Variants in LANCL3 observed in about 807,000 individuals in gnomAD.
LANCL3 encodes LanC like family member 3.
LANCL3 carries 19 observed loss-of-function variants against 26.5 expected under a neutral mutation model. That is an observed-to-expected ratio of 0.72 (90% CI 0.50 to 1.05). The LOEUF (loss-of-function observed/expected upper bound fraction) is 1.05, where lower values mean the gene tolerates loss of function less well. Among genes scored for constraint, LANCL3 ranks in the 50% least tolerant of loss-of-function variants. The pLI is 0.00. For synonymous variants in LANCL3, 160 were observed against 166.6 expected (o/e 0.96, Z 0.30); for missense variants, 318 against 362.7 (o/e 0.88, Z 1.00).
At chrX:37,601,002 A>G (rs1382573069) in intron 1 of LANCL3, among the ~76,000 whole-genome samples, 1 of 110,879 alleles carries the variant, frequency 9.0e-6, no homozygotes, top group East Asian at 2.8e-4. Context: ...GTTGGAAACC[A>G]CTCCTTTTAT....
intron 3 of LANCL3, among the ~76,000 whole-genome samples, chrX:37,660,584 G>A (rs1056693272): frequency 2.7e-5 from 3 of 111,435 alleles, no homozygotes; most frequent in Non-Finnish European, 5.6e-5. Flanking sequence ...GGCCAGGGGA[G>A]AGATTTAAAA....
In LANCL3 at chrX:37,572,233, G is replaced by C. The variant is rs782302861; in HGVS notation, c.363G>C (p.Leu121=). The C allele has an allele frequency of 8.7e-7, 1 of 1,147,505 alleles. No individual in the cohort carries two copies. The highest frequency in any genetic ancestry group is 1.8e-5 in the African/African-American group (1 of 55,722). 94.6% of individuals were successfully genotyped at this position (1,147,505 alleles called of 1,213,427 possible). The change falls in exon 1 of 5, where the codon CTG becomes CTC. Residue 121 remains leucine, a synonymous_variant. Transcript: ENST00000378619. ...EPDADTRAAF[L]LGGAGVYAVA... is the part of the protein sequence containing the mutation. ...ACGCCGACACCCGCGCCGCCTTCCT[G>C]CTCGGGGGCGCGGGCGTGTACGCCG...
intron 1 of LANCL3, among the ~76,000 whole-genome samples, chrX:37,593,470 G>C (rs1310921655): frequency 8.9e-6 from 1 of 112,006 alleles, no homozygotes; most frequent in Non-Finnish European, 1.9e-5. Context: ...TAAAGAAATA[G>C]TTGTATAAGG....
rs201858796 is a variant in LANCL3 at position 37,626,578 on chromosome X, GATC to G, written c.574-29107_574-29105del. ...GATGACCCTTAACTCACTCTGACAA[GATC>G]ATATGAACACTGATATTTTAAGACT... On this transcript the variant is annotated intron_variant, in intron 1 of 4. Transcript: ENST00000378619. Among the ~76,000 whole-genome samples, 675 of 111,936 alleles carry G rather than the reference GATC, an allele frequency of 6.0e-3. 1 individual carries two copies. The highest frequency in any genetic ancestry group is 0.021 in the African/African-American group (641 of 30,844).
At chrX:37,594,997 C>T (rs1924386894) in intron 1 of LANCL3, among the ~76,000 whole-genome samples, 1 of 111,898 alleles carries the variant, frequency 8.9e-6, no homozygotes, top group Non-Finnish European at 1.9e-5. Context: ...AATTTGTTCC[C>T]TGAGTTTCTT....
chrX:37,675,095 C>T (rs781831579), intron 4 of LANCL3, among the ~76,000 whole-genome samples: 1 of 112,013 alleles, frequency 8.9e-6, no homozygotes, highest in Non-Finnish European at 1.9e-5. Flanking sequence ...CTTGTAGCTG[C>T]GTTTGCTATA....
At position 37,599,324 on chromosome X, in the gene LANCL3, A is replaced by G. The variant is rs141443789; in HGVS notation, c.573+26881A>G. Reference sequence around the variant, plus strand: ...CTTCACCAATGATAGTTTGAATACTATTGATCCTAGTGGTTCTGAAATTTT... The same window carrying G: ...CTTCACCAATGATAGTTTGAATACTGTTGATCCTAGTGGTTCTGAAATTTT... On this transcript the variant is annotated intron_variant, in intron 1 of 4. Transcript: ENST00000378619. 5.1e-3 allele frequency among the ~76,000 whole-genome samples: 576 copies of G among 112,629 alleles called. 3 individuals carry two copies. The highest frequency in any genetic ancestry group is 9.2e-3 in the Middle Eastern group (2 of 218).
At chrX:37,608,865 TAAAAC>T (rs1924784048) in intron 1 of LANCL3, among the ~76,000 whole-genome samples, 1 of 112,207 alleles carries the variant, frequency 8.9e-6, no homozygotes, top group South Asian at 3.7e-4. Context: ...GAATTAAACT[TAAAAC>T]AAGAATTTGA....
intron 1 of LANCL3, among the ~76,000 whole-genome samples, chrX:37,624,923 T>C (rs1925273254): frequency 8.9e-6 from 1 of 111,875 alleles, no homozygotes; most frequent in East Asian, 2.8e-4. Flanking sequence ...GTAACCCCAA[T>C]AAGTGTATCA....
In LANCL3 at chrX:37,572,207, G is replaced by T. The variant is rs1923607176; in HGVS notation, c.337G>T (p.Asp113Tyr). 1 of 1,164,324 alleles carries T rather than the reference G, an allele frequency of 8.6e-7. No homozygotes were observed. The highest frequency in any genetic ancestry group is 1.1e-6 in the Non-Finnish European group (1 of 876,167). ...CCGCGCTGAGGAGTGGGGCGAACCG[G>T]ACGCCGACACCCGCGCCGCCTTCCT... is the stretch of plus-strand genomic sequence containing the variant. Reference protein sequence around the residue: ...CARAEEWGEPDADTRAAFLLG... With the variant: ...CARAEEWGEPYADTRAAFLLG... The change falls in exon 1 of 5, where the codon GAC becomes TAC. Residue 113 changes from aspartate to tyrosine, a missense_variant. Transcript: ENST00000378619.
intron 1 of LANCL3, among the ~76,000 whole-genome samples, chrX:37,620,227 C>T (rs140072200): frequency 1.6e-3 from 183 of 111,502 alleles, no homozygotes; most frequent in African/African-American, 5.7e-3. Context: ...AGATGCTCCT[C>T]AATATTGACG....
Position 37,572,035 on chromosome X carries a change from G to A in LANCL3, c.165G>A (p.Thr55=), listed in dbSNP as rs1364080605. The change falls in exon 1 of 5, where the codon ACG becomes ACA. Residue 55 remains threonine (T), a synonymous_variant. Coordinates refer to ENST00000378619, the MANE Select transcript of LANCL3 (RefSeq NM_001170331.2). ...LGGGAEARGA[T]AGASACQGGL... is the part of the protein sequence containing the mutation. ...GCGGCGCGGAGGCCCGAGGGGCGACGGCGGGGGCTAGCGCCTGCCAGGGGG... is the reference window on the plus strand; with the variant it reads ...GCGGCGCGGAGGCCCGAGGGGCGACAGCGGGGGCTAGCGCCTGCCAGGGGG... 7.6e-6 allele frequency: 9 copies of A among 1,180,878 alleles called. No individual in the cohort carries two copies. The highest frequency in any genetic ancestry group is 7.0e-5 in the African/African-American group (4 of 56,982).
intron 2 of LANCL3, among the ~76,000 whole-genome samples, chrX:37,658,685 TATC>T (rs1556431768): frequency 2.7e-5 from 3 of 112,305 alleles, no homozygotes; most frequent in Admixed American, 9.4e-5. Context: ...ATAGAACACT[TATC>T]ATGTCATGTT....
Position 37,618,627 on chromosome X carries a change from G to A in LANCL3, c.574-37061G>A, listed in dbSNP as rs782459509. On this transcript the variant is annotated intron_variant, in intron 1 of 4. Transcript: ENST00000378619. ...AGCAGTCTTTGATATTCCTTGGCTT[G>A]TAGATCTCTGCCTTCATCTTCATAT... Among the ~76,000 whole-genome samples, 10 of 111,591 alleles carry A rather than the reference G, an allele frequency of 9.0e-5. No homozygotes were observed. In the South Asian group the frequency reaches 3.8e-3, roughly 43 times the overall value.
intron 4 of LANCL3, among the ~76,000 whole-genome samples, chrX:37,667,730 G>A (rs1926579952): frequency 9.0e-6 from 1 of 111,040 alleles, no homozygotes; most frequent in African/African-American, 3.3e-5. Context: ...GAATACTTGA[G>A]GGTGGGTAAT....
At chrX:37,654,028 A>C (rs1284535705) in intron 1 of LANCL3, among the ~76,000 whole-genome samples, 1 of 111,655 alleles carries the variant, frequency 9.0e-6, no homozygotes, top group East Asian at 2.8e-4. Flanking sequence ...GCTCTATTGT[A>C]GACTCTTGTC....
intron 1 of LANCL3, among the ~76,000 whole-genome samples, chrX:37,608,748 T>A (rs142884432): frequency 1.5e-4 from 17 of 112,217 alleles, no homozygotes; most frequent in Non-Finnish European, 2.8e-4. Context: ...CACTAAAAAT[T>A]ATCAAATTGC....
At chrX:37,675,215 C>A (rs1182591124) in intron 4 of LANCL3, among the ~76,000 whole-genome samples, 3 of 112,032 alleles carry the variant, frequency 2.7e-5, no homozygotes, top group African/African-American at 9.7e-5. Flanking sequence ...ACAGTCTCTG[C>A]TTTTTGTCAT....
chrX:37,649,497 AG>A (rs1556428128), intron 1 of LANCL3, among the ~76,000 whole-genome samples: 2 of 111,435 alleles, frequency 1.8e-5, no homozygotes, highest in African/African-American at 6.5e-5. Context: ...ACAGGTCAAT[AG>A]GTACAGCAAA....
Sources: allele counts gnomAD v4.1 joint callset (sites outside exome capture counted in the v4.1 genomes callset), GRCh38; gene constraint gnomAD v4.1.1; transcripts MANE v1.5; gene names NCBI Gene and HGNC (gene_info 2026-07-23, HGNC 2026-07-21).